CNTN1: variants seen among roughly 807,000 people sequenced by gnomAD.
The protein encoded by CNTN1 is contactin 1.
Under a neutral mutation model 126.4 loss-of-function variants are expected in CNTN1, and 38 were observed. The ratio of observed to expected loss-of-function variants is 0.30; its 90% CI spans 0.23 to 0.39. The LOEUF (loss-of-function observed/expected upper bound fraction) is 0.39, where lower values mean the gene tolerates loss of function less well. Ranked by LOEUF, CNTN1 falls within the 10% of genes least tolerant of loss-of-function variation. The probability of loss-of-function intolerance (pLI) is 1.00; values close to 1 mark genes in which losing one functional copy is unlikely to be tolerated. For missense variants in CNTN1, 1,009 were observed against 1,248.4 expected (o/e 0.81, Z 2.89); for synonymous variants, 413 against 422.6 (o/e 0.98, Z 0.28).
intron 1 of CNTN1, among the ~76,000 whole-genome samples, chr12:40,757,155 C>T (rs186748511): frequency 6.6e-6 from 1 of 152,032 alleles, no homozygotes; most frequent in Non-Finnish European, 1.5e-5. Flanking sequence ...GTCTCTTTCT[C>T]TCCTTCTAAG....
intron 1 of CNTN1, among the ~76,000 whole-genome samples, chr12:40,849,710 A>G (rs1208779464): frequency 6.6e-6 from 1 of 152,084 alleles, no homozygotes; most frequent in Admixed American, 6.5e-5. Context: ...GCTAATGTAT[A>G]ATAATATATT....
At chr12:41,000,634 T>TG (rs386376263) in intron 17 of CNTN1, among the ~76,000 whole-genome samples, 4 of 151,730 alleles carry the variant, frequency 2.6e-5, no homozygotes, top group African/African-American at 9.7e-5. Context: ...ATAGTTTTAT[T>TG]TTTTTTAATT....
At chr12:40,835,839 C>CAT (rs1167532628) in intron 1 of CNTN1, among the ~76,000 whole-genome samples, 2 of 145,034 alleles carry the variant, frequency 1.4e-5, no homozygotes, top group Non-Finnish European at 3.0e-5. Context: ...CACACACACA[C>CAT]AAGTTGGAGC....
intron 1 of CNTN1, among the ~76,000 whole-genome samples, chr12:40,693,540 C>A (rs549619659): frequency 3.0e-4 from 46 of 152,288 alleles, no homozygotes; most frequent in African/African-American, 1.0e-3. Context: ...ACTGATGACA[C>A]CCTGCTTTGA....
intron 15 of CNTN1, among the ~76,000 whole-genome samples, chr12:40,961,244 A>G (rs1947097868): frequency 6.6e-6 from 1 of 152,046 alleles, no homozygotes; most frequent in Non-Finnish European, 1.5e-5. Context: ...CAGCAGAGTC[A>G]TAACCATTCT....
chr12:40,743,962 G>A (rs562215127), intron 1 of CNTN1, among the ~76,000 whole-genome samples: 2 of 152,190 alleles, frequency 1.3e-5, no homozygotes, highest in Admixed American at 1.3e-4. Context: ...CCATGAAAAA[G>A]AATGGGATCA....
At chr12:40,801,646 G>A (rs576455640) in intron 1 of CNTN1, among the ~76,000 whole-genome samples, 60 of 151,988 alleles carry the variant, frequency 3.9e-4, no homozygotes, top group Admixed American at 3.4e-3. Flanking sequence ...GATTGCCAGT[G>A]TGGCTGGAAT....
chr12:40,995,574 C>G (rs1948192909), intron 17 of CNTN1, among the ~76,000 whole-genome samples: 1 of 152,106 alleles, frequency 6.6e-6, no homozygotes, highest in Non-Finnish European at 1.5e-5. Flanking sequence ...TAGGCATCAC[C>G]TCTTACATTT....
intron 6 of CNTN1, among the ~76,000 whole-genome samples, chr12:40,927,403 G>A (rs569008555): frequency 6.6e-6 from 1 of 152,142 alleles, no homozygotes; most frequent in Admixed American, 6.6e-5. Context: ...AGTCAGCGTG[G>A]CTATTGCTCT....
intron 1 of CNTN1, among the ~76,000 whole-genome samples, chr12:40,780,930 T>C (rs1939772778): frequency 6.6e-6 from 1 of 151,768 alleles, no homozygotes; most frequent in Non-Finnish European, 1.5e-5. Context: ...TTTTTTTTTT[T>C]TAATTTCTAA....
intron 20 of CNTN1, 121 bp from the exon 21 acceptor site, chr12:41,025,029 G>T: frequency 1.0e-6 from 1 of 985,678 alleles, no homozygotes; most frequent in Non-Finnish European, 1.6e-6. Flanking sequence ...ATATCATTAA[G>T]AAACATTTGA....
At chr12:40,796,817 G>C (rs1250646870) in intron 1 of CNTN1, among the ~76,000 whole-genome samples, 1 of 152,034 alleles carries the variant, frequency 6.6e-6, no homozygotes, top group Non-Finnish European at 1.5e-5. Context: ...AAAAGGTCAG[G>C]ACTGTGTGTG....
chr12:40,912,446 G>A (rs1945075393), intron 3 of CNTN1, among the ~76,000 whole-genome samples: 1 of 151,014 alleles, frequency 6.6e-6, no homozygotes, highest in Admixed American at 6.6e-5. Context: ...CTTACACCCA[G>A]GCTAATCTAA....
At chr12:40,699,528 A>C (rs1208557205) in intron 1 of CNTN1, among the ~76,000 whole-genome samples, 1 of 152,220 alleles carries the variant, frequency 6.6e-6, no homozygotes, top group Non-Finnish European at 1.5e-5. Flanking sequence ...TCTGCATTTT[A>C]AAAGGAAAGA....
intron 3 of CNTN1, among the ~76,000 whole-genome samples, chr12:40,913,132 T>C (rs1945103624): frequency 6.6e-6 from 1 of 152,252 alleles, no homozygotes; most frequent in Non-Finnish European, 1.5e-5. Flanking sequence ...AACCTGACTA[T>C]ATTCTTTATT....
intron 1 of CNTN1, among the ~76,000 whole-genome samples, chr12:40,811,335 A>G (rs1592112740): frequency 6.6e-6 from 1 of 152,156 alleles, no homozygotes; most frequent in African/African-American, 2.4e-5. Context: ...GGATATTTGC[A>G]TCTATGTTTA....
chr12:41,016,781 C>G lies in CNTN1; in HGVS notation c.2284C>G (p.Pro762Ala), dbSNP rs566695601. 3 of 1,613,966 alleles carry G rather than the reference C, an allele frequency of 1.9e-6. No individual in the cohort carries two copies. In the African/African-American group the frequency reaches 4.0e-5, roughly 22 times the overall value. ...EEWKKVTVTN[P>A]DTGRYVHKDE... ...ATGGAAAAAAGTCACAGTTACTAAT[C>G]CTGATACTGGCCGATATGTCCATAA... The change falls in exon 19 of 24, where the codon CCT becomes GCT. Residue 762 changes from proline (P) to alanine (A), a missense_variant. By Grantham distance (27) the Pro-to-Ala change is conservative. Transcript: ENST00000551295.
rs76410989 is a variant in CNTN1, at chr12:40,980,886, C to T, written c.1805-23C>T. ...ACTCACTAGATGGAATTCACTGATT[C>T]ATTACCCACATTTTCATTTCAGGCC... On this transcript the variant is annotated intron_variant, in intron 15 of 23. Transcript: ENST00000551295. 5.6e-3 allele frequency: 9,023 copies of T among 1,611,148 alleles called. 40 individuals are homozygous for T. Among genetic ancestry groups the T allele is most frequent in the Non-Finnish European group, 7.0e-3 (8,215 of 1,177,400 alleles).
At chr12:41,021,892 C>T (rs546567562) in intron 20 of CNTN1, among the ~76,000 whole-genome samples, 2 of 152,058 alleles carry the variant, frequency 1.3e-5, no homozygotes, top group Admixed American at 1.3e-4. Context: ...TGGGAGAAGA[C>T]ATCAATGTGT....
Sources: gnomAD v4.1 joint callset for allele counts (sites outside exome capture counted in the v4.1 genomes callset) on GRCh38, gnomAD v4.1.1 for gene constraint, MANE v1.5 for transcripts, NCBI Gene and HGNC (gene_info 2026-07-23, HGNC 2026-07-21) for gene names.